AGRN: variants seen among roughly 807,000 people sequenced by gnomAD.
The protein encoded by AGRN is agrin proteoglycan.
A neutral mutation model predicts 211.0 loss-of-function variants in AGRN; 106 were observed. That is an observed-to-expected ratio of 0.50 (90% CI 0.43 to 0.59). The LOEUF (loss-of-function observed/expected upper bound fraction) is 0.59. Among genes scored for constraint, AGRN ranks in the 20% least tolerant of loss-of-function variants. The probability of loss-of-function intolerance (pLI) is 0.00; values close to 1 mark genes in which losing one functional copy is unlikely to be tolerated. For synonymous variants in AGRN, 1,525 were observed against 1,332.5 expected (o/e 1.14, Z -3.15); for missense variants, 3,040 against 2,982.6 (o/e 1.02, Z -0.45).
chr1:1,041,343 C>G lies in AGRN; in HGVS notation c.898C>G (p.Arg300Gly), dbSNP rs1482716314. The G allele has an allele frequency of 6.5e-7, 1 of 1,529,838 alleles. No homozygotes were observed. The highest frequency in any genetic ancestry group is 1.2e-5 in the South Asian group (1 of 83,388). 94.8% of individuals were successfully genotyped at this position (1,529,838 alleles called of 1,614,324 possible). A position where few individuals can be genotyped will look rare whatever the true frequency, so the allele number is the denominator to read the frequency against. ...CTACCCCGGCGAGTGCCAGCTCCTG[C>G]GCCGCGCCTGCGCCCGCCAGGAGAA... ...ADYPGECQLL[R>G]RACARQENVF... Residue 300 changes from arginine (R) to glycine (G), a missense_variant, in exon 5 of 36, where the codon CGC (arginine) becomes GGC (glycine). Arg to Gly is a moderately radical substitution (Grantham distance 125, BLOSUM62 -2). Around this residue, in one of 3 missense-constraint regions of AGRN, gnomAD observed 1,498 missense variants for 1,457.8 expected, o/e 1.03. Transcript: ENST00000379370.
At chr1:1,051,146 C>A in intron 30 of AGRN, 107 bp from the exon 31 acceptor site, 2 of 1,520,974 alleles carry the variant, frequency 1.3e-6, no homozygotes. Flanking sequence ...TTAACGCTGC[C>A]CCCTAGATAG....
rs776485359 is a variant in AGRN, at chr1:1,045,785, G to A, written c.2589G>A (p.Thr863=). 47 of 1,613,216 alleles carry A rather than the reference G, an allele frequency of 2.9e-5. No individual in the cohort carries two copies. Among genetic ancestry groups the A allele is most frequent in the Non-Finnish European group, 3.6e-5 (43 of 1,179,966 alleles). The change falls in exon 15 of 36, where the codon ACG becomes ACA. Residue 863 remains threonine, a synonymous_variant. Transcript: ENST00000379370. ...GAVRDDCEQM[T]GLCSCKPGVA... ...TGCGGGATGACTGTGAGCAGATGAC[G>A]GGGCTGTGCTCGTGTAAGCCCGGGG...
intron 2 of AGRN, among the ~76,000 whole-genome samples, chr1:1,022,742 T>G (rs1016168964): frequency 6.6e-6 from 1 of 152,226 alleles, no homozygotes; most frequent in African/African-American, 2.4e-5. Context: ...CAGCTCTCCA[T>G]ACTTCCTTCT....
chr1:1,028,993 T>C (rs1644585739), intron 2 of AGRN, among the ~76,000 whole-genome samples: 1 of 77,116 alleles, frequency 1.3e-5, no homozygotes, highest in African/African-American at 4.1e-5. Context: ...CGCCACCCTC[T>C]CCCAAGGAAC....
rs751064660 is a variant in AGRN, at chr1:1,044,437, G to A, written c.2252G>A (p.Arg751Gln). 1.3e-5 allele frequency: 21 copies of A among 1,606,048 alleles called. No individual in the cohort carries two copies. Among genetic ancestry groups the A allele is most frequent in the East Asian group, 6.8e-5 (3 of 44,408 alleles). The change falls in exon 12 of 36, where the codon CGA becomes CAA. Residue 751 changes from arginine to glutamine, a missense_variant and splice_region_variant. Arg to Gln is a conservative substitution (Grantham distance 43). Transcript: ENST00000379370. ...TACGTAGCGGCCCAGGGAGCCTGCC[G>A]AGGTGAGCCGGCTGCACGTGGGGTC... ...GLYVAAQGAC[R>Q]GPTFAPLPPV...
chr1:1,037,576 G>A (rs1420562380), intron 3 of AGRN, among the ~76,000 whole-genome samples: 1 of 152,262 alleles, frequency 6.6e-6, no homozygotes, highest in Non-Finnish European at 1.5e-5. Context: ...TCACGCTGCG[G>A]GAGAGTGGGT....
In AGRN at chr1:1,049,927, GCCCCTGCCAGCCCAA is replaced by G. The variant is rs769494139; in HGVS notation, c.4779_4793del (p.Gln1593_Cys1597del). 216 of 1,611,072 alleles carry G rather than the reference GCCCCTGCCAGCCCAA, an allele frequency of 1.3e-4. No homozygotes were observed. The highest frequency in any genetic ancestry group is 4.9e-4 in the Middle Eastern group (3 of 6,080). ...GGACCAACCTGTGCCGATGAGAAGA[GCCCCTGCCAGCCCAA>G]CCCCTGCCATGGGGCGGCGCCCTGC... is the stretch of plus-strand genomic sequence containing the variant. On this transcript the variant is annotated inframe_deletion, in exon 27 of 36. Coordinates refer to ENST00000379370, the MANE Select transcript of AGRN (RefSeq NM_198576.4).
rs1011723918 is a variant in AGRN, at chr1:1,055,281, C to T, written c.*300C>T. 9 of 451,426 alleles carry T rather than the reference C, an allele frequency of 2.0e-5. No homozygotes were observed. The highest frequency in any genetic ancestry group is 3.7e-5 in the Non-Finnish European group (9 of 241,146). 28.0% of individuals were successfully genotyped at this position (451,426 alleles called of 1,614,324 possible). On this transcript the variant is annotated 3_prime_UTR_variant, in exon 36 of 36. Transcript: ENST00000379370. ...TCCCCGCCGGGAAGCAGCCCCGGCT[C>T]CTGAATCACCCTCGCTCCGTCAGGC...
chr1:1,048,958 A>C lies in AGRN; in HGVS notation c.4197A>C (p.Glu1399Asp). The change falls in exon 24 of 36, where the codon GAA becomes GAC. Residue 1399 changes from glutamate (E) to aspartate (D), a missense_variant. Around this residue, in one of 3 missense-constraint regions of AGRN, gnomAD observed 1,537 missense variants for 1,505.0 expected, o/e 1.02. Coordinates refer to ENST00000379370, the MANE Select transcript of AGRN (RefSeq NM_198576.4). The surrounding 1 kb of genome is among the most constrained non-coding windows in gnomAD (Gnocchi z 5.9). ...ACCACACGCTGCGCCTGGCACTGGA[A>C]TTCCGGGCGCTGGAGCCTCAGGGGC... Reference protein sequence around the residue: ...RAYHTLRLALEFRALEPQGLL... With the variant: ...RAYHTLRLALDFRALEPQGLL... 6.4e-7 allele frequency: 1 copy of C among 1,571,134 alleles called. No individual in the cohort carries two copies.
At chr1:1,038,477 C>A (rs1644853230) in intron 3 of AGRN, among the ~76,000 whole-genome samples, 1 of 152,258 alleles carries the variant, frequency 6.6e-6, no homozygotes, top group Non-Finnish European at 1.5e-5. Context: ...CTGCCATCAT[C>A]ACCTTCTTCC....
Position 1,046,648 on chromosome 1 carries a change from T to C in AGRN, c.3163T>C (p.Ser1055Pro), listed in dbSNP as rs1255703520. ...APSPAPSLVA[S>P]AFGESGSTDG... ...CTCCCCTGCACCCAGCCTGGTGGCG[T>C]CCGCCTTTGGTGAATCTGGCAGCAC... Residue 1055 changes from serine to proline, a missense_variant, in exon 18 of 36, where the codon TCC (serine) becomes CCC (proline). This residue lies in a region of AGRN where 1,537 missense variants were observed against 1,505.0 expected (regional missense o/e 1.02). Transcript: ENST00000379370. 23 of 1,596,384 alleles carry C rather than the reference T, an allele frequency of 1.4e-5. No homozygotes were observed. Among genetic ancestry groups the C allele is most frequent in the Non-Finnish European group, 2.0e-5 (23 of 1,177,060 alleles).
Position 1,046,735 on chromosome 1 carries a change from G to A in AGRN, c.3250G>A (p.Gly1084Arg). ...GGAGGCCAGTGGGGGTGGCTCTGGG[G>A]GTGAGCAGGGATCAAGGACTTGGGG... ...DQEASGGGSG[G>R]LEPLEGSSVA... The change falls in exon 18 of 36, where the codon GGG (glycine) becomes AGG (arginine). Residue 1084 changes from glycine to arginine, a missense_variant and splice_region_variant. Physicochemically the swap from Gly to Arg is moderately radical, Grantham distance 125. Coordinates refer to ENST00000379370, the MANE Select transcript of AGRN (RefSeq NM_198576.4). 1 of 1,580,904 alleles carries A rather than the reference G, an allele frequency of 6.3e-7. No homozygotes were observed. Among genetic ancestry groups the A allele is most frequent in the Non-Finnish European group, 8.5e-7 (1 of 1,170,086 alleles).
In AGRN at chr1:1,049,672, C is replaced by T. The variant is rs750176911; in HGVS notation, c.4621C>T (p.Arg1541Ter). The T allele has an allele frequency of 2.5e-6, 4 of 1,576,574 alleles. No individual in the cohort carries two copies. The highest frequency in any genetic ancestry group is 1.3e-5 in the African/African-American group (1 of 74,282). ...TGGCATTGGGCCGGGGGCTGCCACC[C>T]GAGGCTCTGGCGTGGGCGAGTGCGG... is the stretch of plus-strand genomic sequence containing the variant. ...ELGIGPGAAT[R>*]GSGVGECGDH... The change falls in exon 26 of 36, where the codon CGA becomes TGA. Residue 1541 changes from arginine (R) to a stop codon, truncating the protein, a stop_gained. Coordinates refer to ENST00000379370, the MANE Select transcript of AGRN (RefSeq NM_198576.4). LOFTEE classifies it high-confidence loss of function.
chr1:1,033,273 A>C (rs1400784223), intron 2 of AGRN, among the ~76,000 whole-genome samples: 1 of 150,328 alleles, frequency 6.7e-6, no homozygotes. Context: ...CGCTCACCTC[A>C]CTCCACCCTC....
At position 1,048,308 on chromosome 1, in the gene AGRN, G is replaced by C; in HGVS notation, c.4048G>C (p.Gly1350Arg). 1 of 1,494,628 alleles carries C rather than the reference G, an allele frequency of 6.7e-7. No homozygotes were observed. The allele number at this position is 1,494,628 out of a possible 1,614,324, so 92.6% of individuals were successfully genotyped here. Reference protein sequence around the residue: ...HGGTCQDWALGGGFTCSCPAG... With the variant: ...HGGTCQDWALRGGFTCSCPAG... ...GGGGACCTGCCAGGACTGGGCATTG[G>C]GCGGGGGCTTCACCTGCAGCTGCCC... is the stretch of plus-strand genomic sequence containing the variant. Residue 1350 changes from glycine (G) to arginine (R), a missense_variant, in exon 23 of 36, where the codon GGC becomes CGC. By Grantham distance (125) the Gly-to-Arg change is moderately radical. Around this residue, in one of 3 missense-constraint regions of AGRN, gnomAD observed 1,537 missense variants for 1,505.0 expected, o/e 1.02. Transcript: ENST00000379370. The surrounding 1 kb of genome is among the most constrained non-coding windows in gnomAD (Gnocchi z 5.9).
chr1:1,045,524 G>A lies in AGRN; in HGVS notation c.2536+1G>A, dbSNP rs768152062. On this transcript the variant is annotated splice_donor_variant, in intron 14 of 35. Transcript: ENST00000379370. LOFTEE classifies it high-confidence loss of function. ...ACCGATGGCCGGAGTGGCTGTACAC[G>A]TGAGTGACAGGGCCCAGGACTGGCC... The A allele has an allele frequency of 6.2e-6, 10 of 1,612,526 alleles. No homozygotes were observed. Among genetic ancestry groups the A allele is most frequent in the South Asian group, 1.1e-5 (1 of 91,090 alleles).
In AGRN at chr1:1,047,555, G is replaced by T; in HGVS notation, c.3517-18G>T. 2 of 1,612,580 alleles carry T rather than the reference G, an allele frequency of 1.2e-6. No homozygotes were observed. The stretch of plus-strand genomic sequence containing the variant: ...GGCTTGGGCGGCCCCCCAAGTCCTT[G>T]CCTACTCCCTGCCACAGCTGGACGA... On this transcript the variant is annotated intron_variant, in intron 20 of 35. Coordinates refer to ENST00000379370, the MANE Select transcript of AGRN (RefSeq NM_198576.4).
At chr1:1,036,685 C>T (rs932687654) in intron 3 of AGRN, among the ~76,000 whole-genome samples, 1 of 152,136 alleles carries the variant, frequency 6.6e-6, no homozygotes, top group Non-Finnish European at 1.5e-5. Context: ...CTGTTGGCCC[C>T]CAGCCCCTGA....
chr1:1,054,243 C>T (rs1016846449), intron 34 of AGRN, among the ~76,000 whole-genome samples: 2 of 152,224 alleles, frequency 1.3e-5, no homozygotes, highest in African/African-American at 4.8e-5. Context: ...TCCAGCAAAG[C>T]TTGAGCTGCA....
Sources: gnomAD v4.1 joint callset for allele counts (sites outside exome capture counted in the v4.1 genomes callset) on GRCh38, gnomAD v4.1.1 for gene constraint, gnomAD v4.1.1 regional missense constraint, Gnocchi (gnomAD v3.1) non-coding constraint, MANE v1.5 for transcripts, NCBI Gene and HGNC (gene_info 2026-07-23, HGNC 2026-07-21) for gene names.